Variants in AGFG1 observed in about 807,000 individuals in gnomAD.
The protein encoded by AGFG1 is ArfGAP with FG repeats 1.
A neutral mutation model predicts 60.6 loss-of-function variants in AGFG1; 10 were observed. The observed-to-expected ratio is 0.16, with a 90% CI of 0.10 to 0.28. AGFG1 has a LOEUF of 0.28. Among genes scored for constraint, AGFG1 ranks in the 10% least tolerant of loss-of-function variants. AGFG1 has a pLI of 1.00. For missense variants in AGFG1, 537 were observed against 676.5 expected, an observed-to-expected ratio of 0.79 and a Z score of 2.29; for synonymous variants, 247 against 242.9, an observed-to-expected ratio of 1.02 and a Z score of -0.16.
chr2:227,543,270 T>A (rs1692547801), intron 10 of AGFG1, among the ~76,000 whole-genome samples: 1 of 152,226 alleles, frequency 6.6e-6, no homozygotes, highest in Admixed American at 6.5e-5. Flanking sequence ...TTTATATCTT[T>A]CCTGCTTTCT....
At position 227,472,296 on chromosome 2, in the gene AGFG1, G is replaced by GGCGCGGGCGGCGC. The variant is rs1690112819; in HGVS notation, c.-121_-109dup. 5 of 543,720 alleles carry GGCGCGGGCGGCGC rather than the reference G, an allele frequency of 9.2e-6. No homozygotes were observed. The allele number at this position is 543,720 out of a possible 1,614,324, so 33.7% of individuals were successfully genotyped here. A position where few individuals can be genotyped will look rare whatever the true frequency, so the allele number is the denominator to read the frequency against. ...CAGCCAAGCCGCTGCGGCCGGGTCC[G>GGCGCGGGCGGCGC]GCGCGGGCGGCGCGCGCAGACGGAG... On this transcript the variant is annotated 5_prime_UTR_variant, in exon 1 of 13. Transcript: ENST00000310078.
At position 227,554,660 on chromosome 2, in the gene AGFG1, G is replaced by T; in HGVS notation, c.*165G>T. On this transcript the variant is annotated 3_prime_UTR_variant, in exon 13 of 13. Coordinates refer to ENST00000310078, the MANE Select transcript of AGFG1 (RefSeq NM_004504.5). ...CACCAGGTAATATGTGCAAAACCGAGGGCTCCAGTAACACCTTCTAACCTG... is the reference window on the plus strand; with the variant it reads ...CACCAGGTAATATGTGCAAAACCGATGGCTCCAGTAACACCTTCTAACCTG... The T allele has an allele frequency of 1.8e-6, 1 of 546,636 alleles. No homozygotes were observed. 33.9% of individuals were successfully genotyped at this position (546,636 alleles called of 1,614,324 possible).
chr2:227,549,039 G>A (rs531686398), intron 10 of AGFG1, among the ~76,000 whole-genome samples: 7 of 151,142 alleles, frequency 4.6e-5, no homozygotes, highest in South Asian at 2.1e-4. Flanking sequence ...GGAACACAGT[G>A]ACACTTTTTT....
At chr2:227,480,577 A>T (rs1575060066) in intron 1 of AGFG1, among the ~76,000 whole-genome samples, 1 of 141,364 alleles carries the variant, frequency 7.1e-6, no homozygotes, top group African/African-American at 2.6e-5. Context: ...CAATATGATC[A>T]GATGCATCAG....
chr2:227,474,443 C>CCA (rs1161797944), intron 1 of AGFG1, among the ~76,000 whole-genome samples: 2 of 152,168 alleles, frequency 1.3e-5, no homozygotes, highest in Non-Finnish European at 2.9e-5. Context: ...TTCCTAGATA[C>CCA]CACATTTCAG....
chr2:227,491,189 T>C (rs1018909213), intron 1 of AGFG1, among the ~76,000 whole-genome samples: 1 of 152,180 alleles, frequency 6.6e-6, no homozygotes, highest in South Asian at 2.1e-4. Context: ...ATATGAAATA[T>C]TTAAAGAATT....
intron 2 of AGFG1, among the ~76,000 whole-genome samples, chr2:227,503,759 T>C (rs372952926): frequency 3.3e-5 from 5 of 152,234 alleles, no homozygotes; most frequent in East Asian, 1.9e-4. Context: ...GTTTGTCATA[T>C]TGGTTTTGAT....
chr2:227,475,696 C>G (rs1325599750), intron 1 of AGFG1, among the ~76,000 whole-genome samples: 2 of 152,154 alleles, frequency 1.3e-5, no homozygotes, highest in Admixed American at 6.5e-5. Flanking sequence ...CCACTACATG[C>G]AGATTGGCCC....
intron 1 of AGFG1, among the ~76,000 whole-genome samples, chr2:227,488,396 GA>G (rs1690702285): frequency 6.6e-6 from 1 of 152,242 alleles, no homozygotes; most frequent in Non-Finnish European, 1.5e-5. Flanking sequence ...AACAGTTTGA[GA>G]AGTATACGGG....
At chr2:227,520,406 T>C (rs1691791478) in intron 3 of AGFG1, among the ~76,000 whole-genome samples, 1 of 152,202 alleles carries the variant, frequency 6.6e-6, no homozygotes, top group African/African-American at 2.4e-5. Context: ...AAGTATTTAC[T>C]GAGTCATATC....
In AGFG1 at chr2:227,523,912, G is replaced by A; in HGVS notation, c.527G>A (p.Gly176Asp). The change falls in exon 4 of 13, where the codon GGC becomes GAC. Residue 176 changes from glycine to aspartate, a missense_variant. Gly to Asp is a moderately conservative substitution (Grantham distance 94). This residue lies in a region of AGFG1 where 102 missense variants were observed against 82.9 expected (regional missense o/e 1.23). Transcript: ENST00000310078. Reference sequence around the variant, plus strand: ...GCACCAACACTGCACTTAAATAAGGGCACACCTAGTCAGGTGAGTAGTCTT... The same window carrying A: ...GCACCAACACTGCACTTAAATAAGGACACACCTAGTCAGGTGAGTAGTCTT... ...DSAPTLHLNK[G>D]TPSQSPVVGR... The A allele has an allele frequency of 6.2e-7, 1 of 1,613,272 alleles. No homozygotes were observed. The highest frequency in any genetic ancestry group is 1.1e-5 in the South Asian group (1 of 91,002).
chr2:227,484,330 G>A (rs1690555925), intron 1 of AGFG1, among the ~76,000 whole-genome samples: 1 of 151,616 alleles, frequency 6.6e-6, no homozygotes, highest in Admixed American at 6.6e-5. Flanking sequence ...CTGGGATTGA[G>A]GACTGCCACC....
Position 227,542,389 on chromosome 2 carries a change from A to T in AGFG1, c.1378+5396A>T, listed in dbSNP as rs552073892. On this transcript the variant is annotated intron_variant, in intron 10 of 12. Transcript: ENST00000310078. ...GCATGAAGGGCTGTTGAATTTTGTC[A>T]AAGGCCTTTTCTGCATCTATTGAGA... Among the ~76,000 whole-genome samples, 303 of 152,268 alleles carry T rather than the reference A, an allele frequency of 2.0e-3. 2 individuals carry two copies. The highest frequency in any genetic ancestry group is 6.8e-3 in the African/African-American group (282 of 41,564).
chr2:227,533,543 T>C lies in AGFG1; in HGVS notation c.815-6T>C. 1 of 1,612,804 alleles carries C rather than the reference T, an allele frequency of 6.2e-7. No homozygotes were observed. The highest frequency in any genetic ancestry group is 8.5e-7 in the Non-Finnish European group (1 of 1,179,030). On this transcript the variant is annotated splice_region_variant and splice_polypyrimidine_tract_variant and intron_variant, in intron 6 of 12. Transcript: ENST00000310078. The stretch of plus-strand genomic sequence containing the variant: ...AATTTCAAGTGCTCTGTTTATTCTG[T>C]TACAGGTGGAAGTGCTGCATCAGTA...
At chr2:227,548,255 T>C (rs1385573589) in intron 10 of AGFG1, among the ~76,000 whole-genome samples, 1 of 152,228 alleles carries the variant, frequency 6.6e-6, no homozygotes, top group Admixed American at 6.5e-5. Context: ...TATTCTAAAA[T>C]TAGATTCTGA....
At chr2:227,522,587 A>G (rs978988999) in intron 3 of AGFG1, among the ~76,000 whole-genome samples, 3 of 152,226 alleles carry the variant, frequency 2.0e-5, no homozygotes, top group Non-Finnish European at 4.4e-5. Flanking sequence ...AATGAAAAAA[A>G]TGGAAGCACA....
At chr2:227,553,883 G>A in intron 12 of AGFG1, 88 bp downstream of exon 12, 1 of 970,608 alleles carries the variant, frequency 1.0e-6, no homozygotes. Context: ...TTCCTAGATG[G>A]TATTTGGTGT....
rs781348626 is a variant in AGFG1 at position 227,531,152 on chromosome 2, G to A, written c.756G>A (p.Ser252=). 20 of 1,613,544 alleles carry A rather than the reference G, an allele frequency of 1.2e-5. No individual in the cohort carries two copies. Among genetic ancestry groups the A allele is most frequent in the East Asian group, 2.2e-5 (1 of 44,862 alleles). The change falls in exon 6 of 13, where the codon TCG becomes TCA. Residue 252 remains serine (S), a synonymous_variant. Coordinates refer to ENST00000310078, the MANE Select transcript of AGFG1 (RefSeq NM_004504.5). ...NFDAFGQSSG[S]SNFGGFPTAS... ...ATGCATTTGGACAGTCTAGTGGTTC[G>A]AGTAATTTTGGAGGTTTCCCCACAG... is the stretch of plus-strand genomic sequence containing the variant.
At chr2:227,480,522 C>T (rs1690425765) in intron 1 of AGFG1, among the ~76,000 whole-genome samples, 1 of 152,070 alleles carries the variant, frequency 6.6e-6, no homozygotes, top group South Asian at 2.1e-4. Flanking sequence ...GCCTCAGCCT[C>T]CCTGGTAGCT....
Sources: allele counts gnomAD v4.1 joint callset (sites outside exome capture counted in the v4.1 genomes callset), GRCh38; gene constraint gnomAD v4.1.1; regional missense constraint gnomAD v4.1.1; transcripts MANE v1.5; gene names NCBI Gene and HGNC (gene_info 2026-07-23, HGNC 2026-07-21).